Variants in SPON2 observed in about 807,000 individuals in gnomAD.
SPON2 encodes the protein spondin 2.
In SPON2, 32 loss-of-function variants were observed where a neutral mutation model predicts 29.9. That is an observed-to-expected ratio of 1.07 (90% confidence interval 0.81 to 1.44). The LOEUF (loss-of-function observed/expected upper bound fraction) is 1.44, where lower values mean the gene tolerates loss of function less well. SPON2 is among the 40% of genes most tolerant of loss of function. SPON2 has a pLI of 0.00. For missense variants in SPON2, 541 were observed against 455.5 expected, an observed-to-expected ratio of 1.19 and a Z score of -1.71; for synonymous variants, 248 against 209.1, an observed-to-expected ratio of 1.19 and a Z score of -1.61.
At chr4:1,198,417 G>A (rs1728120018), upstream of SPON2, among the ~76,000 whole-genome samples, 1 of 152,146 alleles carries the variant, frequency 6.6e-6, no homozygotes, top group Non-Finnish European at 1.5e-5. Context: ...CCCAAGACAT[G>A]AAAGGATGGA....
At chr4:1,208,543 C>T (rs909526719), upstream of SPON2, 1 of 152,478 alleles carries the variant, frequency 6.6e-6, no homozygotes, top group Admixed American at 6.5e-5. Context: ...CCCGACCCTC[C>T]CCAGCTCCAC....
At chr4:1,172,290 A>T in intron 1 of SPON2, 1 of 594,184 alleles carries the variant, frequency 1.7e-6, no homozygotes, top group South Asian at 2.0e-5. Flanking sequence ...GCGAGCGACC[A>T]GGGGTAACGG....
At chr4:1,183,611 A>T (rs1002978451) in intron 1 of SPON2, among the ~76,000 whole-genome samples, 3 of 152,208 alleles carry the variant, frequency 2.0e-5, no homozygotes, top group Admixed American at 1.3e-4. Context: ...TGCATTTTTT[A>T]AAATTATTAA....
chr4:1,185,614 A>G (rs1360135111), intron 1 of SPON2, among the ~76,000 whole-genome samples: 5 of 146,488 alleles, frequency 3.4e-5, no homozygotes, highest in Non-Finnish European at 7.5e-5. Flanking sequence ...AGGCTGAGGC[A>G]GGAGAATTTC....
chr4:1,193,728 C>CGGTGTGGGAAGGACGTGGGGGG, intron 1 of SPON2, among the ~76,000 whole-genome samples: 1 of 546 alleles, frequency 1.8e-3, no homozygotes, highest in African/African-American at 3.8e-3. Flanking sequence ...AGGACATGGG[C>CGGTGTGGGAAGGACGTGGGGGG]GGTGTGGGAA....
intron 1 of SPON2, among the ~76,000 whole-genome samples, chr4:1,200,285 G>T (rs1728165320): frequency 6.6e-6 from 1 of 152,182 alleles, no homozygotes. Flanking sequence ...GACCAGGCAG[G>T]CTCCACGGAC....
exon 1 of SPON2, chr4:1,195,004 T>TCCAACCCCGCAGCCGGCGGC (rs1207106908): frequency 8.9e-5 from 4 of 44,732 alleles, no homozygotes; most frequent in Non-Finnish European, 1.5e-4. Context: ...CAGCCGGCGG[T>TCCAACCCCGCAGCCGGCGGC]TCCAACCCCG....
intron 1 of SPON2, 182 bp from the exon 2 acceptor site, chr4:1,172,256 C>T (rs1469384803): frequency 4.8e-6 from 3 of 621,288 alleles, no homozygotes; most frequent in East Asian, 2.7e-5. Context: ...ATGGACGGCG[C>T]GGGGTTAGAT....
chr4:1,186,012 A>T (rs11247977), intron 1 of SPON2, among the ~76,000 whole-genome samples: 3 of 149,734 alleles, frequency 2.0e-5, no homozygotes, highest in South Asian at 4.2e-4. Flanking sequence ...TGGGAGGCCG[A>T]GGCGGGCGGA....
upstream of SPON2, among the ~76,000 whole-genome samples, chr4:1,176,536 C>G (rs893376649): frequency 3.9e-5 from 6 of 151,974 alleles, no homozygotes; most frequent in African/African-American, 1.5e-4. Flanking sequence ...ACAGTACATT[C>G]ATTCACTAAT....
chr4:1,189,638 CAAAAAAAAA>C (rs61543201), intron 1 of SPON2, among the ~76,000 whole-genome samples: 2 of 60,252 alleles, frequency 3.3e-5, no homozygotes, highest in African/African-American at 6.2e-5. Context: ...GACCCTGTCT[CAAAAAAAAA>C]AAAAAAAAAA....
intron 1 of SPON2, among the ~76,000 whole-genome samples, chr4:1,188,075 G>C (rs931748902): frequency 6.6e-6 from 1 of 151,376 alleles, no homozygotes; most frequent in Non-Finnish European, 1.5e-5. Flanking sequence ...GCCAGGCGTG[G>C]TGGCGGGTGC....
At chr4:1,168,891 G>C (rs925547687) in intron 5 of SPON2, among the ~76,000 whole-genome samples, 6 of 152,204 alleles carry the variant, frequency 3.9e-5, no homozygotes, top group Non-Finnish European at 8.8e-5. Flanking sequence ...CTGGGTGCCA[G>C]CCGCCACATG....
chr4:1,191,446 A>G (rs1392642420), intron 1 of SPON2, among the ~76,000 whole-genome samples: 22 of 152,216 alleles, frequency 1.4e-4, no homozygotes, highest in Admixed American at 1.2e-3. Flanking sequence ...CTCACACCAT[A>G]TACAAAAAAA....
At chr4:1,203,468 G>A (rs935571690) in intron 1 of SPON2, among the ~76,000 whole-genome samples, 2 of 152,226 alleles carry the variant, frequency 1.3e-5, no homozygotes, top group Admixed American at 6.5e-5. Flanking sequence ...AATAGTGTGG[G>A]GCCAGGCCAC....
In SPON2 at chr4:1,171,031, A is replaced by G. The variant is rs780159034; in HGVS notation, c.604T>C (p.Phe202Leu). ...DSGFTFSSPN[F>L]ATIPQDTVTE... is the part of the protein sequence containing the mutation. Reference sequence around the variant, plus strand: ...ACCGTGTCCTGCGGGATGGTGGCGAAGTTGGGGGAGGAGAAGGTGAAGCCG... The same window carrying G: ...ACCGTGTCCTGCGGGATGGTGGCGAGGTTGGGGGAGGAGAAGGTGAAGCCG... Residue 202 changes from phenylalanine to leucine, a missense_variant, in exon 4 of 6, where the codon TTC (phenylalanine) becomes CTC (leucine). Phe to Leu is a conservative substitution (Grantham distance 22). Transcript: ENST00000290902. The G allele has an allele frequency of 4.5e-6, 7 of 1,548,600 alleles. No individual in the cohort carries two copies. The highest frequency in any genetic ancestry group is 2.4e-5 in the East Asian group (1 of 40,874).
intron 1 of SPON2, among the ~76,000 whole-genome samples, chr4:1,194,365 G>A (rs533190208): frequency 2.7e-4 from 41 of 152,278 alleles, no homozygotes; most frequent in African/African-American, 9.1e-4. Flanking sequence ...TCAAGGAGCC[G>A]AGCCCCAGGG....
chr4:1,169,278 T>C (rs1402070263), intron 5 of SPON2, among the ~76,000 whole-genome samples: 1 of 152,054 alleles, frequency 6.6e-6, no homozygotes, highest in Non-Finnish European at 1.5e-5. Context: ...CGAACAGTGC[T>C]GGCACGTCTG....
Position 1,171,076 on chromosome 4 carries a change from AG to A in SPON2, c.558del (p.Tyr187ThrfsTer24). The A allele has an allele frequency of 3.2e-6, 5 of 1,550,070 alleles. No individual in the cohort carries two copies. Among genetic ancestry groups the A allele is most frequent in the Non-Finnish European group, 4.4e-6 (5 of 1,146,546 alleles). On this transcript the variant is annotated frameshift_variant, in exon 4 of 6. Transcript: ENST00000290902. LOFTEE classifies it high-confidence loss of function. Reference sequence around the variant, plus strand: ...AAGCCGCTGTCCGTCCCGGCGTCGTAGGGGTACAGGTCCAGCGCCGCCTGTT... The same window carrying A: ...AAGCCGCTGTCCGTCCCGGCGTCGTAGGGTACAGGTCCAGCGCCGCCTGTT... The part of the protein sequence containing the change: ...WREQAALDLY[P>X]YDAGTDSGFT...
Sources: allele counts gnomAD v4.1 joint callset (sites outside exome capture counted in the v4.1 genomes callset), GRCh38; gene constraint gnomAD v4.1.1; transcripts MANE v1.5; gene names NCBI Gene and HGNC (gene_info 2026-07-23, HGNC 2026-07-21).